The following C1orf141 variants were observed in gnomAD, a reference collection of about 807,000 sequenced individuals.
C1orf141 encodes the protein uncharacterized protein C1orf141.
A neutral mutation model predicts 23.2 loss-of-function variants in C1orf141; 19 were observed. That is an observed-to-expected ratio of 0.82 (90% CI 0.57 to 1.20). C1orf141 has a LOEUF of 1.20. Ranked by LOEUF, C1orf141 falls within the 50% of genes most tolerant of loss-of-function variation. The pLI is 0.00. For missense variants in C1orf141, 469 were observed against 455.1 expected (o/e 1.03, Z -0.28); for synonymous variants, 153 against 154.6 (o/e 0.99, Z 0.08).
chr1:67,109,428 G>C (rs1346349037), intron 5 of C1orf141, among the ~76,000 whole-genome samples: 1 of 151,610 alleles, frequency 6.6e-6, no homozygotes, highest in Admixed American at 6.6e-5. Context: ...GTAAAAGTAG[G>C]CTTATAGGTA....
At chr1:67,124,116 C>T (rs1263632951) in intron 4 of C1orf141, among the ~76,000 whole-genome samples, 1 of 152,084 alleles carries the variant, frequency 6.6e-6, no homozygotes, top group African/African-American at 2.4e-5. Flanking sequence ...TTTAACCTCA[C>T]CCAGACTTAG....
rs776347055 is a variant in C1orf141, at chr1:67,093,360, G to C, written c.848C>G (p.Pro283Arg). Residue 283 changes from proline to arginine, a missense_variant, in exon 8 of 8, where the codon CCT (proline) becomes CGT (arginine). Transcript: ENST00000684719. ...TGTGTGGCCCGCTTTAAAAGACATA[G>C]GGATCTGTATATCTTTTCTCTGTAC... ...PTVQRKDIQI[P>R]MSFKAGHTTV... The C allele has an allele frequency of 8.1e-6, 13 of 1,613,688 alleles. No individual in the cohort carries two copies. The Admixed American group carries it at 1.3e-4, about 17-fold the overall frequency.
In C1orf141 at chr1:67,095,361, A is replaced by G. The variant is rs769317822; in HGVS notation, c.477T>C (p.Tyr159=). Residue 159 remains tyrosine (Y), a synonymous_variant, in exon 7 of 8, where the codon TAT becomes TAC. Coordinates refer to ENST00000684719, the MANE Select transcript of C1orf141 (RefSeq NM_001276351.2). ...TTACTGACCTATACTTACTTAATTG[A>G]TAATTTCTGACCGATTTGTTTTCTT... The part of the protein sequence containing the change: ...NIKENKSVRN[Y]QLSKYRSVRK... The G allele has an allele frequency of 6.4e-7, 1 of 1,571,928 alleles. No homozygotes were observed. The highest frequency in any genetic ancestry group is 8.7e-7 in the Non-Finnish European group (1 of 1,153,092).
intron 2 of C1orf141, among the ~76,000 whole-genome samples, chr1:67,129,232 G>T (rs932037213): frequency 1.3e-5 from 2 of 151,902 alleles, no homozygotes; most frequent in African/African-American, 4.8e-5. Context: ...GATGCAGGAG[G>T]ATTGCTTGAC....
chr1:67,140,234 T>A (rs913901362), intron 1 of C1orf141, among the ~76,000 whole-genome samples: 1 of 152,192 alleles, frequency 6.6e-6, no homozygotes, highest in African/African-American at 2.4e-5. Flanking sequence ...GCAAAATATT[T>A]AAAGTAAAAA....
intron 4 of C1orf141, among the ~76,000 whole-genome samples, chr1:67,118,505 T>G (rs1430180429): frequency 6.6e-6 from 1 of 152,128 alleles, no homozygotes; most frequent in African/African-American, 2.4e-5. Flanking sequence ...CATGTCAAAT[T>G]TGGAGTGAGT....
intron 4 of C1orf141, chr1:67,122,319 G>A (rs1362926674): frequency 6.6e-6 from 1 of 152,202 alleles, no homozygotes; most frequent in Non-Finnish European, 1.5e-5. Context: ...TTACAGGTGT[G>A]AGCCACCATG....
At chr1:67,118,801 G>A (rs144870906) in intron 4 of C1orf141, among the ~76,000 whole-genome samples, 31 of 152,184 alleles carry the variant, frequency 2.0e-4, no homozygotes, top group African/African-American at 7.0e-4. Context: ...TCCTCATGAC[G>A]TGAAGATACA....
chr1:67,128,605 G>A (rs920831424), intron 2 of C1orf141, among the ~76,000 whole-genome samples: 1 of 152,026 alleles, frequency 6.6e-6, no homozygotes, highest in South Asian at 2.1e-4. Context: ...TTGGGAGGCT[G>A]AGGAGGGATC....
At chr1:67,114,522 T>G (rs1253791724) in intron 5 of C1orf141, among the ~76,000 whole-genome samples, 1 of 152,124 alleles carries the variant, frequency 6.6e-6, no homozygotes, top group Non-Finnish European at 1.5e-5. Flanking sequence ...TAGGGGGTGA[T>G]GTGGAGTCAA....
intron 1 of C1orf141, among the ~76,000 whole-genome samples, chr1:67,140,136 A>G (rs1414232141): frequency 2.0e-5 from 3 of 152,164 alleles, no homozygotes; most frequent in Non-Finnish European, 4.4e-5. Context: ...TTCTTTATAA[A>G]TTCCCCATTT....
chr1:67,111,507 CAT>C lies in C1orf141; in HGVS notation c.346+3843_346+3844del. Reference sequence around the variant, plus strand: ...CACTTGAATTTTGGATTTGTAGGAGCATATATAAAATTATTAGGACTAATTTG... The same window carrying C: ...CACTTGAATTTTGGATTTGTAGGAGCATATAAAATTATTAGGACTAATTTG... On this transcript the variant is annotated intron_variant, in intron 5 of 7. Coordinates refer to ENST00000684719, the MANE Select transcript of C1orf141 (RefSeq NM_001276351.2). 7.4e-6 allele frequency: 4 copies of C among 542,444 alleles called. No homozygotes were observed. In the South Asian group the frequency reaches 1.7e-4, roughly 22 times the overall value. 33.6% of individuals were successfully genotyped at this position (542,444 alleles called of 1,614,324 possible). A position where few individuals can be genotyped will look rare whatever the true frequency, so the allele number is the denominator to read the frequency against.
intron 5 of C1orf141, among the ~76,000 whole-genome samples, chr1:67,112,906 C>G (rs1646106382): frequency 6.6e-6 from 1 of 152,158 alleles, no homozygotes; most frequent in Admixed American, 6.5e-5. Context: ...ATTGGTGTGT[C>G]TAGGCAGAGG....
At chr1:67,100,695 C>T (rs1326926032) in intron 5 of C1orf141, among the ~76,000 whole-genome samples, 2 of 152,128 alleles carry the variant, frequency 1.3e-5, no homozygotes, top group East Asian at 3.9e-4. Flanking sequence ...AACTTTGAAT[C>T]AGATCACTTA....
intron 3 of C1orf141, among the ~76,000 whole-genome samples, chr1:67,126,450 A>G (rs1017031261): frequency 2.0e-5 from 3 of 152,230 alleles, no homozygotes; most frequent in African/African-American, 7.2e-5. Context: ...TCTCTAAAAA[A>G]TTATCTCAGA....
rs748155442 is a variant in C1orf141, at chr1:67,095,257, G to A, written c.581C>T (p.Thr194Ile). 6.3e-7 allele frequency: 1 copy of A among 1,586,870 alleles called. No individual in the cohort carries two copies. The highest frequency in any genetic ancestry group is 1.8e-5 in the Admixed American group (1 of 55,244). The change falls in exon 7 of 8, where the codon ACA becomes ATA. Residue 194 changes from threonine to isoleucine, a missense_variant. By Grantham distance (89) the Thr-to-Ile change is moderately conservative. Around this residue, in one of 3 missense-constraint regions of C1orf141, gnomAD observed 370 missense variants for 348.1 expected, o/e 1.06. Coordinates refer to ENST00000684719, the MANE Select transcript of C1orf141 (RefSeq NM_001276351.2). ...TACCATGTGAGAAGTTACTGTCTTT[G>A]TTGGACTAACGTTGACTATCTTGGC... Reference protein sequence around the residue: ...PHAKIVNVSPTKTVTSHMEQK... With the variant: ...PHAKIVNVSPIKTVTSHMEQK...
chr1:67,124,102 AT>A, intron 4 of C1orf141: 1 of 152,252 alleles, frequency 6.6e-6, no homozygotes, highest in African/African-American at 2.4e-5. Context: ...CCTTGTGCAA[AT>A]TGTTTAACCT....
In C1orf141 at chr1:67,093,154, A is replaced by T. The variant is rs1645589373; in HGVS notation, c.1054T>A (p.Ser352Thr). Residue 352 changes from serine (S) to threonine (T), a missense_variant, in exon 8 of 8, where the codon TCT becomes ACT. Physicochemically the swap from Ser to Thr is moderately conservative, Grantham distance 58. Transcript: ENST00000684719. ...AQTGKFERMFSAGKPTSIPTS... is the reference protein window; with the variant it reads ...AQTGKFERMFTAGKPTSIPTS... Reference sequence around the variant, plus strand: ...GGTATGCTCGTTGGTTTTCCTGCAGAAAACATTCTTTCAAATTTTCCAGTT... The same window carrying T: ...GGTATGCTCGTTGGTTTTCCTGCAGTAAACATTCTTTCAAATTTTCCAGTT... The T allele has an allele frequency of 6.2e-7, 1 of 1,614,012 alleles. No individual in the cohort carries two copies. The highest frequency in any genetic ancestry group is 1.1e-5 in the South Asian group (1 of 91,074).
chr1:67,113,875 T>C, intron 5 of C1orf141: 1 of 375,870 alleles, frequency 2.7e-6, no homozygotes, highest in South Asian at 2.2e-5. Flanking sequence ...GAATATTTTT[T>C]AAAGTCTAAA....
Sources: gnomAD v4.1 joint callset for allele counts (sites outside exome capture counted in the v4.1 genomes callset) on GRCh38, gnomAD v4.1.1 for gene constraint, gnomAD v4.1.1 regional missense constraint, MANE v1.5 for transcripts, NCBI Gene and HGNC (gene_info 2026-07-23, HGNC 2026-07-21) for gene names.